KIF11: variants seen among roughly 807,000 people sequenced by gnomAD.
KIF11 encodes the protein kinesin-like protein KIF11.
KIF11 carries 9 observed loss-of-function variants against 121.0 expected under a neutral mutation model. The ratio of observed to expected loss-of-function variants is 0.07; its 90% CI spans 0.04 to 0.13. KIF11 has a LOEUF of 0.13. KIF11 is among the 10% of genes least tolerant of loss of function. The pLI is 1.00. For synonymous variants in KIF11, 408 were observed against 421.0 expected (o/e 0.97, Z 0.38); for missense variants, 846 against 1,217.5 (o/e 0.69, Z 4.54).
At chr10:92,629,012 G>C in intron 11 of KIF11, 117 bp downstream of exon 11, 1 of 575,612 alleles carries the variant, frequency 1.7e-6, no homozygotes, top group Non-Finnish European at 3.1e-6. Context: ...ACGGAGTCTC[G>C]CTCTGTCACC....
rs1476973590 is a variant in KIF11 at position 92,593,148 on chromosome 10, C to T, written c.-228C>T. On this transcript the variant is annotated 5_prime_UTR_variant, in exon 1 of 22. Transcript: ENST00000260731. ...GTTGCTTAGTTTCTGGGGATTCGGG[C>T]GGAGACGAGATTAGTGATTTGGCGG... 5.9e-6 allele frequency: 3 copies of T among 507,560 alleles called. No homozygotes were observed. Among genetic ancestry groups the T allele is most frequent in the Non-Finnish European group, 1.1e-5 (3 of 282,688 alleles). 31.4% of individuals were successfully genotyped at this position (507,560 alleles called of 1,614,324 possible).
Position 92,645,555 on chromosome 10 carries a change from A to C in KIF11, c.2460A>C (p.Glu820Asp). The change falls in exon 18 of 22, where the codon GAA becomes GAC. Residue 820 changes from glutamate (E) to aspartate (D), a missense_variant. Coordinates refer to ENST00000260731, the MANE Select transcript of KIF11 (RefSeq NM_004523.4). Reference protein sequence around the residue: ...KISQETEQRCESLNTRTVYFS... With the variant: ...KISQETEQRCDSLNTRTVYFS... ...CTCAAGAGACTGAACAGAGATGTGA[A>C]TCTCTGAACACAAGAACAGTTTATT... 4 of 1,613,316 alleles carry C rather than the reference A, an allele frequency of 2.5e-6. No homozygotes were observed. Among genetic ancestry groups the C allele is most frequent in the Non-Finnish European group, 3.4e-6 (4 of 1,179,280 alleles).
At position 92,613,746 on chromosome 10, in the gene KIF11, G is replaced by T; in HGVS notation, c.1032+127G>T. 1 of 872,422 alleles carries T rather than the reference G, an allele frequency of 1.1e-6. No homozygotes were observed. The highest frequency in any genetic ancestry group is 1.7e-6 in the Non-Finnish European group (1 of 585,786). 54.0% of individuals were successfully genotyped at this position (872,422 alleles called of 1,614,324 possible). On this transcript the variant is annotated intron_variant, in intron 8 of 21. Transcript: ENST00000260731. This position sits in a 1 kb window ranked among gnomAD's most constrained non-coding sequence, Gnocchi z 4.2. ...CACCTGTAAACCCAGCACTTTGGAA[G>T]TCCAAGGTGGGCGGATCACTTGAGC...
chr10:92,593,461 A>T lies in KIF11; in HGVS notation c.77+9A>T. The stretch of plus-strand genomic sequence containing the variant: ...GTGGTGGTGAGATGCAGGTAGGGAG[A>T]GGGCTGACAGGATTCCGAGCGCTGC... On this transcript the variant is annotated intron_variant, in intron 1 of 21. Transcript: ENST00000260731. 1 of 1,605,694 alleles carries T rather than the reference A, an allele frequency of 6.2e-7. No homozygotes were observed. Among genetic ancestry groups the T allele is most frequent in the Non-Finnish European group, 8.5e-7 (1 of 1,176,488 alleles).
At chr10:92,614,021 TACACACACACACACACAC>T (rs71028831) in intron 8 of KIF11, among the ~76,000 whole-genome samples, 12 of 127,054 alleles carry the variant, frequency 9.4e-5, no homozygotes, top group Non-Finnish European at 1.4e-4. Flanking sequence ...AGTATGTGTA[TACACACACACACACACAC>T]ACACACACAC....
intron 1 of KIF11, among the ~76,000 whole-genome samples, chr10:92,599,541 A>C (rs1844342848): frequency 6.7e-6 from 1 of 149,238 alleles, no homozygotes; most frequent in Non-Finnish European, 1.5e-5. Context: ...AAAAAAAAAG[A>C]AAAAAGAAAC....
intron 9 of KIF11, among the ~76,000 whole-genome samples, chr10:92,618,016 G>A (rs1048160445): frequency 6.6e-6 from 1 of 152,080 alleles, no homozygotes; most frequent in African/African-American, 2.4e-5. Context: ...GGGATCACAG[G>A]CGTGAGCCAA....
At position 92,645,436 on chromosome 10, in the gene KIF11, C is replaced by G; in HGVS notation, c.2341C>G (p.Gln781Glu). 4 of 1,613,572 alleles carry G rather than the reference C, an allele frequency of 2.5e-6. No individual in the cohort carries two copies. The highest frequency in any genetic ancestry group is 3.4e-6 in the Non-Finnish European group (4 of 1,179,536). The change falls in exon 18 of 22, where the codon CAG (glutamine) becomes GAG (glutamate). Residue 781 changes from glutamine (Q) to glutamate (E), a missense_variant. Transcript: ENST00000260731. ...KFCADSDGFS[Q>E]ELRNFNQEGT... Reference sequence around the variant, plus strand: ...TTGTGCTGATTCTGATGGCTTCTCACAGGAACTCAGAAATTTTAACCAAGA... The same window carrying G: ...TTGTGCTGATTCTGATGGCTTCTCAGAGGAACTCAGAAATTTTAACCAAGA...
intron 1 of KIF11, among the ~76,000 whole-genome samples, chr10:92,594,577 AATTT>A (rs1396841347): frequency 6.6e-6 from 1 of 152,190 alleles, no homozygotes; most frequent in African/African-American, 2.4e-5. Flanking sequence ...GCATTTATTT[AATTT>A]CTTTTTTAAT....
At chr10:92,620,307 C>G (rs542889796) in intron 9 of KIF11, among the ~76,000 whole-genome samples, 1 of 152,214 alleles carries the variant, frequency 6.6e-6, no homozygotes, top group South Asian at 2.1e-4. Context: ...GTCTTGATCT[C>G]CTGACCTTGT....
rs764789268 is a variant in KIF11, at chr10:92,613,250, G to T, written c.789+120G>T. ...GGTGATTAGCTTTGTAGTGGGAGAA[G>T]AAATTTGTTAATTACAGAAAAAATT... On this transcript the variant is annotated intron_variant, in intron 7 of 21. Transcript: ENST00000260731. This position sits in a 1 kb window ranked among gnomAD's most constrained non-coding sequence, Gnocchi z 4.2. 1.0e-5 allele frequency: 11 copies of T among 1,081,846 alleles called. No homozygotes were observed. Among genetic ancestry groups the T allele is most frequent in the South Asian group, 3.3e-5 (2 of 61,084 alleles). 67.0% of individuals were successfully genotyped at this position (1,081,846 alleles called of 1,614,324 possible). A position where few individuals can be genotyped will look rare whatever the true frequency, so the allele number is the denominator to read the frequency against.
At chr10:92,595,132 T>A (rs1376605465) in intron 1 of KIF11, among the ~76,000 whole-genome samples, 1 of 152,248 alleles carries the variant, frequency 6.6e-6, no homozygotes, top group Non-Finnish European at 1.5e-5. Flanking sequence ...CAATCTCAGC[T>A]CACTGCAACC....
chr10:92,624,064 C>T lies in KIF11; in HGVS notation c.1217+2591C>T, dbSNP rs79956902. On this transcript the variant is annotated intron_variant, in intron 10 of 21. Coordinates refer to ENST00000260731, the MANE Select transcript of KIF11 (RefSeq NM_004523.4). Reference sequence around the variant, plus strand: ...CTCTTACCCTCCACCCTCAAAGAGGCCCAGGTGACTATTGTTCCCTTCCTC... The same window carrying T: ...CTCTTACCCTCCACCCTCAAAGAGGTCCAGGTGACTATTGTTCCCTTCCTC... Among the ~76,000 whole-genome samples the T allele has an allele frequency of 9.8e-3, 1,486 of 152,064 alleles. 76 individuals carry two copies. The East Asian group carries it at 0.12, about 12-fold the overall frequency.
chr10:92,648,144 A>G, intron 18 of KIF11, 68 bp from the exon 19 acceptor site: 1 of 1,082,526 alleles, frequency 9.2e-7, no homozygotes. Flanking sequence ...GTAAGGGAAA[A>G]TATGATGTTG....
intron 10 of KIF11, among the ~76,000 whole-genome samples, chr10:92,628,182 A>G (rs1352280371): frequency 2.0e-5 from 3 of 152,136 alleles, no homozygotes; most frequent in Admixed American, 2.0e-4. Context: ...ACAATGAAGA[A>G]TTATTTGATC....
rs556101742 is a variant in KIF11, at chr10:92,613,738, C to T, written c.1032+119C>T. The T allele has an allele frequency of 2.3e-5, 22 of 959,614 alleles. No individual in the cohort carries two copies. In the South Asian group the frequency reaches 3.1e-4, roughly 13 times the overall value. 59.4% of individuals were successfully genotyped at this position (959,614 alleles called of 1,614,324 possible). A position where few individuals can be genotyped will look rare whatever the true frequency, so the allele number is the denominator to read the frequency against. On this transcript the variant is annotated intron_variant, in intron 8 of 21. Transcript: ENST00000260731. This position sits in a 1 kb window ranked among gnomAD's most constrained non-coding sequence, Gnocchi z 4.2. ...GTGACTCACACCTGTAAACCCAGCA[C>T]TTTGGAAGTCCAAGGTGGGCGGATC...
At position 92,613,406 on chromosome 10, in the gene KIF11, C is replaced by A; in HGVS notation, c.819C>A (p.Gly273=). The A allele has an allele frequency of 6.2e-7, 1 of 1,608,712 alleles. No homozygotes were observed. Among genetic ancestry groups the A allele is most frequent in the Non-Finnish European group, 8.5e-7 (1 of 1,175,982 alleles). The change falls in exon 8 of 22, where the codon GGC becomes GGA. Residue 273 remains glycine, a synonymous_variant. Coordinates refer to ENST00000260731, the MANE Select transcript of KIF11 (RefSeq NM_004523.4). This position sits in a 1 kb window ranked among gnomAD's most constrained non-coding sequence, Gnocchi z 4.2. ...ATCTTGCAGGAAGTGAAAACATTGGCCGTTCTGGAGCTGTTGATAAGAGAG... is the reference window on the plus strand; with the variant it reads ...ATCTTGCAGGAAGTGAAAACATTGGACGTTCTGGAGCTGTTGATAAGAGAG... ...LVDLAGSENI[G]RSGAVDKRAR... is the part of the protein sequence containing the mutation.
chr10:92,623,892 T>C (rs941926907), intron 10 of KIF11, among the ~76,000 whole-genome samples: 3 of 152,204 alleles, frequency 2.0e-5, no homozygotes, highest in Admixed American at 1.3e-4. Flanking sequence ...GCTCTCTTTT[T>C]TTTTAACTTT....
At chr10:92,596,905 T>C (rs542685844) in intron 1 of KIF11, 12 of 248,458 alleles carry the variant, frequency 4.8e-5, no homozygotes, top group African/African-American at 2.1e-4. Flanking sequence ...TTGGCCCCAG[T>C]GCAGCCTGTT....
Sources: allele counts gnomAD v4.1 joint callset (sites outside exome capture counted in the v4.1 genomes callset), GRCh38; gene constraint gnomAD v4.1.1; non-coding constraint Gnocchi (gnomAD v3.1); transcripts MANE v1.5; gene names NCBI Gene and HGNC (gene_info 2026-07-23, HGNC 2026-07-21).